Variants in SLC7A8 observed in about 807,000 individuals in gnomAD.
SLC7A8 encodes large neutral amino acids transporter small subunit 2.
In SLC7A8, 30 loss-of-function variants were observed where a neutral mutation model predicts 51.2. That is an observed-to-expected ratio of 0.59 (90% confidence interval 0.44 to 0.80). The LOEUF is 0.80. Ranked by LOEUF, SLC7A8 falls within the 30% of genes least tolerant of loss-of-function variation. SLC7A8 has a pLI of 0.00. For synonymous variants in SLC7A8, 257 were observed against 275.8 expected (o/e 0.93, Z 0.67); for missense variants, 612 against 674.4 (o/e 0.91, Z 1.03).
chr14:23,174,728 G>A (rs1186115076), intron 1 of SLC7A8, among the ~76,000 whole-genome samples: 4 of 152,232 alleles, frequency 2.6e-5, no homozygotes, highest in Non-Finnish European at 5.9e-5. Flanking sequence ...GCAGCAGAGA[G>A]GAGCCTGCAG....
In SLC7A8 at chr14:23,155,181, TCGGAAC is replaced by T. The variant is rs1013781788; in HGVS notation, c.508+10098_508+10103del. The T allele has an allele frequency of 8.5e-6, 13 of 1,535,722 alleles. No individual in the cohort carries two copies. In the African/African-American group the frequency reaches 1.8e-4, roughly 21 times the overall value. On this transcript the variant is annotated intron_variant, in intron 3 of 10. Coordinates refer to ENST00000316902, the MANE Select transcript of SLC7A8 (RefSeq NM_012244.4). ...AAGCACTTACAACGTTTTAGAAATC[TCGGAAC>T]CCCCTCCAAAGGAGAGGAGGTGCTC...
At position 23,182,758 on chromosome 14, in the gene SLC7A8, A is replaced by G. The variant is rs1248010495; in HGVS notation, c.151+6T>C. The G allele has an allele frequency of 2.6e-6, 4 of 1,554,152 alleles. No homozygotes were observed. Among genetic ancestry groups the G allele is most frequent in the Non-Finnish European group, 3.5e-6 (4 of 1,152,262 alleles). ...GGAGGGGTCCGCGGGAAGGAATGGA[A>G]CTCACCTACGATGATACCACAGGCA... On this transcript the variant is annotated splice_donor_region_variant and intron_variant, in intron 1 of 10. Coordinates refer to ENST00000316902, the MANE Select transcript of SLC7A8 (RefSeq NM_012244.4).
chr14:23,165,323 G>T lies in SLC7A8; in HGVS notation c.470C>A (p.Pro157Gln), dbSNP rs1189935318. 1.2e-5 allele frequency: 20 copies of T among 1,608,676 alleles called. No individual in the cohort carries two copies. The highest frequency in any genetic ancestry group is 1.5e-5 in the Non-Finnish European group (18 of 1,177,688). Residue 157 changes from proline to glutamine, a missense_variant, in exon 3 of 11, where the codon CCA becomes CAA. By Grantham distance (76) the Pro-to-Gln change is moderately conservative. Transcript: ENST00000316902. This position sits in a 1 kb window ranked among gnomAD's most constrained non-coding sequence, Gnocchi z 4.2. Reference sequence around the variant, plus strand: ...AGCCAGGAGCCGAAGGCCAGACTCTGGGGGGAAGCAGGTGGGGAAGAGCGG... The same window carrying T: ...AGCCAGGAGCCGAAGGCCAGACTCTTGGGGGAAGCAGGTGGGGAAGAGCGG... ...LQPLFPTCFPPESGLRLLAAI... is the reference protein window; with the variant it reads ...LQPLFPTCFPQESGLRLLAAI...
chr14:23,146,870 G>T (rs2048799299), intron 3 of SLC7A8: 1 of 152,140 alleles, frequency 6.6e-6, no homozygotes, highest in Non-Finnish European at 1.5e-5. Context: ...AAGGTCAGTG[G>T]GTGCTCGCCA....
At chr14:23,155,877 T>C (rs1031474905) in intron 3 of SLC7A8, among the ~76,000 whole-genome samples, 4 of 152,200 alleles carry the variant, frequency 2.6e-5, no homozygotes, top group African/African-American at 9.7e-5. Context: ...GTAGGCTCTG[T>C]TGGTGTTCAC....
intron 1 of SLC7A8, among the ~76,000 whole-genome samples, chr14:23,172,103 C>G (rs552875725): frequency 6.6e-6 from 1 of 152,206 alleles, no homozygotes; most frequent in Non-Finnish European, 1.5e-5. Context: ...CCCTGCCTAC[C>G]TCAACAGGGT....
intron 3 of SLC7A8, among the ~76,000 whole-genome samples, chr14:23,144,537 T>C (rs899698651): frequency 1.3e-5 from 2 of 152,124 alleles, no homozygotes; most frequent in African/African-American, 4.8e-5. Flanking sequence ...CTGGGTGGTG[T>C]GGTCGCTCTG....
intron 6 of SLC7A8, 64 bp from the exon 7 acceptor site, chr14:23,138,088 A>T: frequency 6.3e-7 from 1 of 1,584,506 alleles, no homozygotes; most frequent in Non-Finnish European, 8.6e-7. Context: ...CTCAGCTCCC[A>T]CTTCACTCTG....
chr14:23,126,911 G>A lies in SLC7A8; in HGVS notation c.*266C>T, dbSNP rs954144642. 7 of 506,446 alleles carry A rather than the reference G, an allele frequency of 1.4e-5. No homozygotes were observed. The highest frequency in any genetic ancestry group is 1.2e-4 in the African/African-American group (6 of 52,024). 31.4% of individuals were successfully genotyped at this position (506,446 alleles called of 1,614,324 possible). A position where few individuals can be genotyped will look rare whatever the true frequency, so the allele number is the denominator to read the frequency against. On this transcript the variant is annotated 3_prime_UTR_variant, in exon 11 of 11. Transcript: ENST00000316902. ...GGAGGGAGGTCCTGCAGGGCACCTTGGCATCTCCCCTCTCCTCCAGCAGCT... is the reference window on the plus strand; with the variant it reads ...GGAGGGAGGTCCTGCAGGGCACCTTAGCATCTCCCCTCTCCTCCAGCAGCT...
At position 23,171,402 on chromosome 14, in the gene SLC7A8, G is replaced by A. The variant is rs540180959; in HGVS notation, c.152-4862C>T. ...GGAATTGAGAAAACCCACATTTGCC[G>A]TGAATAATCACTAACTCCCCCATCT... is the stretch of plus-strand genomic sequence containing the variant. On this transcript the variant is annotated intron_variant, in intron 1 of 10. Coordinates refer to ENST00000316902, the MANE Select transcript of SLC7A8 (RefSeq NM_012244.4). Among the ~76,000 whole-genome samples the A allele has an allele frequency of 6.6e-5, 10 of 152,228 alleles. No individual in the cohort carries two copies. The East Asian group carries it at 1.7e-3, about 26-fold the overall frequency.
At chr14:23,144,341 ATTTTTTTT>A (rs67517828) in intron 3 of SLC7A8, among the ~76,000 whole-genome samples, 8 of 114,356 alleles carry the variant, frequency 7.0e-5, no homozygotes, top group South Asian at 2.9e-4. Flanking sequence ...TTTAAACACA[ATTTTTTTT>A]TTTTTTTTTT....
At chr14:23,154,120 T>C in intron 3 of SLC7A8, 1 of 366,534 alleles carries the variant, frequency 2.7e-6, no homozygotes, top group Non-Finnish European at 3.8e-6. Context: ...TGACGCCACT[T>C]TGTAGAAATC....
intron 3 of SLC7A8, among the ~76,000 whole-genome samples, chr14:23,153,211 T>C (rs78672562): frequency 0.023 from 3,502 of 152,220 alleles, 138 homozygotes; most frequent in African/African-American, 0.08. Flanking sequence ...GTCCTGGGCT[T>C]GAGCGATCTG....
intron 3 of SLC7A8, chr14:23,146,928 G>A (rs2048799895): frequency 6.6e-6 from 1 of 152,182 alleles, no homozygotes; most frequent in African/African-American, 2.4e-5. Flanking sequence ...CTACTGCTTG[G>A]CACTTGTCTG....
In SLC7A8 at chr14:23,165,655, G is replaced by A. The variant is rs533253027; in HGVS notation, c.357-219C>T. On this transcript the variant is annotated intron_variant, in intron 2 of 10. Coordinates refer to ENST00000316902, the MANE Select transcript of SLC7A8 (RefSeq NM_012244.4). The surrounding 1 kb of genome is among the most constrained non-coding windows in gnomAD (Gnocchi z 4.2). ...CACAAGCACTAACACAAGTCTTGGC[G>A]TTCTTCCTTTCTCTCCTCTCCTTTC... is the stretch of plus-strand genomic sequence containing the variant. Among the ~76,000 whole-genome samples the A allele has an allele frequency of 6.6e-5, 10 of 152,282 alleles. No homozygotes were observed. In the South Asian group the frequency reaches 8.3e-4, roughly 13 times the overall value.
chr14:23,165,336 T>C lies in SLC7A8; in HGVS notation c.457A>G (p.Thr153Ala). Residue 153 changes from threonine to alanine, a missense_variant, in exon 3 of 11, where the codon ACC becomes GCC. By Grantham distance (58) the Thr-to-Ala change is moderately conservative (BLOSUM62 0). Coordinates refer to ENST00000316902, the MANE Select transcript of SLC7A8 (RefSeq NM_012244.4). This position sits in a 1 kb window ranked among gnomAD's most constrained non-coding sequence, Gnocchi z 4.2. ...SNYVLQPLFPTCFPPESGLRL... is the reference protein window; with the variant it reads ...SNYVLQPLFPACFPPESGLRL... ...AGGCCAGACTCTGGGGGGAAGCAGG[T>C]GGGGAAGAGCGGCTGCAGCACGTAG... The C allele has an allele frequency of 6.2e-7, 1 of 1,605,436 alleles. No individual in the cohort carries two copies. The highest frequency in any genetic ancestry group is 8.5e-7 in the Non-Finnish European group (1 of 1,176,678).
intron 1 of SLC7A8, among the ~76,000 whole-genome samples, chr14:23,176,788 A>G (rs1876943056): frequency 6.6e-6 from 1 of 151,994 alleles, no homozygotes; most frequent in African/African-American, 2.4e-5. Flanking sequence ...CTAAAAATAC[A>G]AAAATTAGCT....
At position 23,153,074 on chromosome 14, in the gene SLC7A8, G is replaced by A. The variant is rs59135862; in HGVS notation, c.509-9870C>T. ...AAGGCTTGTGTCCAGCCTCATGGGT[G>A]ATCAGAAGGCAGGAATGACCTTAGA... On this transcript the variant is annotated intron_variant, in intron 3 of 10. Transcript: ENST00000316902. Among the ~76,000 whole-genome samples the A allele has an allele frequency of 5.0e-3, 766 of 152,262 alleles. 6 individuals carry two copies. Among genetic ancestry groups the A allele is most frequent in the African/African-American group, 0.017 (708 of 41,558 alleles).
At chr14:23,180,089 G>C (rs937935522) in intron 1 of SLC7A8, among the ~76,000 whole-genome samples, 1 of 152,016 alleles carries the variant, frequency 6.6e-6, no homozygotes, top group Non-Finnish European at 1.5e-5. Context: ...GTATTTTTTA[G>C]TAGAGACGAG....
Sources: gnomAD v4.1 joint callset for allele counts (sites outside exome capture counted in the v4.1 genomes callset) on GRCh38, gnomAD v4.1.1 for gene constraint, Gnocchi (gnomAD v3.1) non-coding constraint, MANE v1.5 for transcripts, NCBI Gene and HGNC (gene_info 2026-07-23, HGNC 2026-07-21) for gene names.